Variants in CUBN observed in about 807,000 individuals in gnomAD.
The protein encoded by CUBN is cubilin.
A neutral mutation model predicts 405.3 loss-of-function variants in CUBN; 282 were observed. The ratio of observed to expected loss-of-function variants is 0.70; its 90% CI spans 0.63 to 0.77. CUBN has a LOEUF of 0.77. Among genes scored for constraint, CUBN ranks in the 30% least tolerant of loss-of-function variants. The pLI, the probability that CUBN is intolerant of heterozygous loss-of-function variation, is 0.00. For missense variants in CUBN, 4,514 were observed against 4,475.2 expected (o/e 1.01, Z -0.25); for synonymous variants, 1,684 against 1,617.0 (o/e 1.04, Z -0.99).
At chr10:16,879,297 T>G (rs1389031637) in intron 56 of CUBN, among the ~76,000 whole-genome samples, 1 of 152,232 alleles carries the variant, frequency 6.6e-6, no homozygotes, top group Non-Finnish European at 1.5e-5. Flanking sequence ...ATATTTAATT[T>G]TAATTGCTCT....
chr10:17,099,167 C>G (rs1053779714), intron 14 of CUBN, among the ~76,000 whole-genome samples: 19 of 151,960 alleles, frequency 1.3e-4, no homozygotes, highest in Admixed American at 3.3e-4. Flanking sequence ...ATAAAAACAC[C>G]AGTAAAAAAG....
At chr10:16,883,572 G>A (rs756220390) in intron 56 of CUBN, among the ~76,000 whole-genome samples, 1 of 152,198 alleles carries the variant, frequency 6.6e-6, no homozygotes. Context: ...CTCATTTATT[G>A]TGCTTCTTGA....
At chr10:16,884,313 G>T (rs1267429415) in intron 56 of CUBN, among the ~76,000 whole-genome samples, 2 of 151,980 alleles carry the variant, frequency 1.3e-5, no homozygotes, top group African/African-American at 4.8e-5. Context: ...GAATAATCAA[G>T]GTTTAGAAGG....
intron 24 of CUBN, 135 bp from the exon 25 acceptor site, chr10:17,045,323 T>A: frequency 1.1e-6 from 1 of 873,868 alleles, no homozygotes; most frequent in Non-Finnish European, 1.8e-6. Flanking sequence ...CATGAAAGAG[T>A]AGTTATAGCC....
chr10:17,088,862 C>T (rs1056941733), intron 14 of CUBN, among the ~76,000 whole-genome samples: 3 of 152,240 alleles, frequency 2.0e-5, no homozygotes, highest in Middle Eastern at 3.4e-3. Flanking sequence ...CTGTAGTGAT[C>T]GAGCCACTGT....
In CUBN at chr10:16,948,479, C is replaced by T. The variant is rs750853231; in HGVS notation, c.5208G>A (p.Ser1736=). 1.9e-5 allele frequency: 30 copies of T among 1,613,716 alleles called. No homozygotes were observed. Among genetic ancestry groups the T allele is most frequent in the Admixed American group, 3.3e-5 (2 of 59,980 alleles). Reference sequence around the variant, plus strand: ...GAGTCAGGTGCTAGGGTTTCTTACCCGACACTGATGCGGTGACCGTGGTGT... The same window carrying T: ...GAGTCAGGTGCTAGGGTTTCTTACCTGACACTGATGCGGTGACCGTGGTGT... ...GFHTTVTASV[S]ACGGTFYMAE... The change falls in exon 35 of 67, where the codon TCG becomes TCA. Residue 1736 remains serine, a splice_region_variant and synonymous_variant. Coordinates refer to ENST00000377833, the MANE Select transcript of CUBN (RefSeq NM_001081.4).
At chr10:16,916,957 G>A (rs1346041843) in intron 45 of CUBN, among the ~76,000 whole-genome samples, 1 of 151,806 alleles carries the variant, frequency 6.6e-6, no homozygotes. Context: ...GGAATTACAG[G>A]TGCCCACCAC....
chr10:17,036,621 C>T (rs1372010351), intron 27 of CUBN, among the ~76,000 whole-genome samples: 2 of 152,014 alleles, frequency 1.3e-5, no homozygotes, highest in East Asian at 1.9e-4. Flanking sequence ...GAAGGGAAAA[C>T]GTTCCAGCTT....
chr10:16,937,647 A>G lies in CUBN; in HGVS notation c.5871T>C (p.Leu1957=). 3 of 1,614,078 alleles carry G rather than the reference A, an allele frequency of 1.9e-6. No individual in the cohort carries two copies. The highest frequency in any genetic ancestry group is 2.5e-6 in the Non-Finnish European group (3 of 1,179,976). Residue 1957 remains leucine (L), a synonymous_variant, in exon 39 of 67, where the codon CTT becomes CTC. Coordinates refer to ENST00000377833, the MANE Select transcript of CUBN (RefSeq NM_001081.4). ...GTGCATCCACTGCAAACCACTCCAGAAGGAATCCCTTCCCTGAGATTGAAG... is the reference window on the plus strand; with the variant it reads ...GTGCATCCACTGCAAACCACTCCAGGAGGAATCCCTTCCCTGAGATTGAAG... The part of the protein sequence containing the change: ...SDSSISGKGF[L]LEWFAVDAPD...
intron 22 of CUBN, among the ~76,000 whole-genome samples, chr10:17,054,891 G>A (rs1835355975): frequency 6.6e-6 from 1 of 151,998 alleles, no homozygotes; most frequent in South Asian, 2.1e-4. Flanking sequence ...TTAAGAAATT[G>A]TTTATATTCC....
chr10:17,100,166 T>C lies in CUBN; in HGVS notation c.1604A>G (p.Tyr535Cys), dbSNP rs139848689. The change falls in exon 14 of 67, where the codon TAT becomes TGT. Residue 535 changes from tyrosine to cysteine, a missense_variant. Coordinates refer to ENST00000377833, the MANE Select transcript of CUBN (RefSeq NM_001081.4). ...AAAAGCAGAAGAGGAATCTCCATCA[T>C]AAACCTGAAGAAACTCGTGTGGACA... ...DNCPHEFLQV[Y>C]DGDSSSAFQL... is the part of the protein sequence containing the mutation. The C allele has an allele frequency of 1.5e-4, 237 of 1,613,980 alleles. 1 individual carries two copies. The highest frequency in any genetic ancestry group is 6.6e-4 in the Middle Eastern group (4 of 6,084).
At chr10:16,870,490 G>A (rs1181757234) in intron 58 of CUBN, among the ~76,000 whole-genome samples, 1 of 152,186 alleles carries the variant, frequency 6.6e-6, no homozygotes, top group Non-Finnish European at 1.5e-5. Flanking sequence ...ATTGCCCTAG[G>A]GGCACACTTT....
rs929642891 is a variant in CUBN, at chr10:16,878,673, A to G, written c.8906-1576T>C. 3.9e-5 allele frequency among the ~76,000 whole-genome samples: 6 copies of G among 152,314 alleles called. No homozygotes were observed. In the South Asian group the frequency reaches 1.2e-3, roughly 32 times the overall value. On this transcript the variant is annotated intron_variant, in intron 56 of 66. Transcript: ENST00000377833. Reference sequence around the variant, plus strand: ...TCCCAATTCTACATTTTCATTGCCCATAGGAAAATGTTATGCCCATTAACA... The same window carrying G: ...TCCCAATTCTACATTTTCATTGCCCGTAGGAAAATGTTATGCCCATTAACA...
intron 31 of CUBN, among the ~76,000 whole-genome samples, chr10:16,963,407 G>A (rs371434730): frequency 1.4e-4 from 21 of 151,592 alleles, no homozygotes; most frequent in Admixed American, 7.9e-4. Context: ...GGCTATTTTC[G>A]AACTCCTGAC....
rs1840299289 is a variant in CUBN, at chr10:16,869,851, A to T, written c.9239T>A (p.Phe3080Tyr). 6.2e-7 allele frequency: 1 copy of T among 1,602,344 alleles called. No individual in the cohort carries two copies. Among genetic ancestry groups the T allele is most frequent in the African/African-American group, 1.3e-5 (1 of 74,700 alleles). Reference protein sequence around the residue: ...VSDDKVIELKFSDFDVVPSTS... With the variant: ...VSDDKVIELKYSDFDVVPSTS... ...GGAGGGAACCACATCAAAATCACTG[A>T]ACCTGTGAAATGTACCTTGTTAATA... The change falls in exon 59 of 67, where the codon TTC becomes TAC. Residue 3080 changes from phenylalanine (F) to tyrosine (Y), a missense_variant and splice_region_variant. Transcript: ENST00000377833.
At chr10:16,834,428 A>G (rs1839107629) in intron 64 of CUBN, among the ~76,000 whole-genome samples, 1 of 152,108 alleles carries the variant, frequency 6.6e-6, no homozygotes, top group Non-Finnish European at 1.5e-5. Context: ...ACGATGGGCA[A>G]ACAGTGAAGT....
intron 60 of CUBN, among the ~76,000 whole-genome samples, chr10:16,850,763 G>A (rs1413741933): frequency 2.6e-5 from 4 of 152,196 alleles, no homozygotes. Context: ...ATGAGCCACA[G>A]TGCCCAGCCT....
chr10:17,088,091 G>T, intron 15 of CUBN, 73 bp downstream of exon 15: 1 of 1,208,214 alleles, frequency 8.3e-7, no homozygotes, highest in Non-Finnish European at 1.2e-6. Flanking sequence ...GGTCATCCAT[G>T]GGCATGGCTA....
intron 59 of CUBN, among the ~76,000 whole-genome samples, chr10:16,860,907 G>C (rs1049393030): frequency 6.6e-6 from 1 of 152,166 alleles, no homozygotes; most frequent in Non-Finnish European, 1.5e-5. Context: ...GCTGGGATGT[G>C]CTTTCTAAAA....
Sources: gnomAD v4.1 joint callset for allele counts (sites outside exome capture counted in the v4.1 genomes callset) on GRCh38, gnomAD v4.1.1 for gene constraint, MANE v1.5 for transcripts, NCBI Gene and HGNC (gene_info 2026-07-23, HGNC 2026-07-21) for gene names.